Variants in OSBPL9 observed in about 807,000 individuals in gnomAD.
OSBPL9 encodes oxysterol-binding protein-related protein 9.
Under a neutral mutation model 106.6 loss-of-function variants are expected in OSBPL9, and 40 were observed. The ratio of observed to expected loss-of-function variants is 0.38; its 90% confidence interval spans 0.29 to 0.49. The LOEUF (loss-of-function observed/expected upper bound fraction) is 0.49. OSBPL9 is among the 20% of genes least tolerant of loss of function. OSBPL9 has a pLI of 0.97. For synonymous variants in OSBPL9, 269 were observed against 295.4 expected, an observed-to-expected ratio of 0.91 and a Z score of 0.92; for missense variants, 609 against 887.2, an observed-to-expected ratio of 0.69 and a Z score of 3.98.
chr1:51,725,154 G>A (rs1002959908), intron 4 of OSBPL9, among the ~76,000 whole-genome samples: 9 of 150,128 alleles, frequency 6.0e-5, no homozygotes, highest in African/African-American at 2.2e-4. Context: ...CGGTTTTGTA[G>A]GTGTCTGTTG....
intron 15 of OSBPL9, among the ~76,000 whole-genome samples, chr1:51,777,230 A>G (rs1409289379): frequency 4.6e-5 from 7 of 152,230 alleles, no homozygotes; most frequent in Non-Finnish European, 1.0e-4. Flanking sequence ...TTTGTACTAT[A>G]TCCTAATGAA....
intron 1 of OSBPL9, among the ~76,000 whole-genome samples, chr1:51,647,723 GT>G (rs1209214697): frequency 1.3e-5 from 2 of 151,630 alleles, no homozygotes; most frequent in South Asian, 4.2e-4. Flanking sequence ...TGGTAATAAT[GT>G]TTTTTTTCTT....
chr1:51,592,453 C>G (rs1462845461), intron 1 of OSBPL9, among the ~76,000 whole-genome samples: 1 of 152,134 alleles, frequency 6.6e-6, no homozygotes, highest in Non-Finnish European at 1.5e-5. Context: ...CTTGTAATAA[C>G]AATTCTCTTC....
At chr1:51,755,686 A>G (rs1670192292) in intron 8 of OSBPL9, among the ~76,000 whole-genome samples, 1 of 152,238 alleles carries the variant, frequency 6.6e-6, no homozygotes, top group South Asian at 2.1e-4. Flanking sequence ...TAAGTGTTCT[A>G]CAACACGTTT....
chr1:51,563,173 G>A, the OSBPL9 span, among the ~76,000 whole-genome samples: 2 of 152,150 alleles, frequency 1.3e-5, no homozygotes, highest in Non-Finnish European at 2.9e-5. Flanking sequence ...TCACGTCACT[G>A]CACTGCAGCC....
At chr1:51,633,043 A>G (rs149492862) in intron 1 of OSBPL9, among the ~76,000 whole-genome samples, 2,171 of 151,518 alleles carry the variant, frequency 0.014, 55 homozygotes, top group African/African-American at 0.051. Flanking sequence ...TGCAACCTCC[A>G]CCTCCTGGGT....
chr1:51,536,437 AG>A, the OSBPL9 span, among the ~76,000 whole-genome samples: 3 of 152,020 alleles, frequency 2.0e-5, no homozygotes, highest in African/African-American at 7.2e-5. Context: ...CTTCCAGACT[AG>A]CTAGCTAGTA....
chr1:51,598,147 T>G (rs1301990745), exon 2 of OSBPL9: 1 of 152,238 alleles, frequency 6.6e-6, no homozygotes, highest in Non-Finnish European at 1.5e-5. Context: ...GTCTCTAAGA[T>G]GGAGGATATA....
chr1:51,647,443 G>A lies in OSBPL9; in HGVS notation c.112-4548G>A, dbSNP rs140285000. 2.4e-3 allele frequency among the ~76,000 whole-genome samples: 358 copies of A among 152,212 alleles called. 1 individual carries two copies. Among genetic ancestry groups the A allele is most frequent in the African/African-American group, 8.3e-3 (343 of 41,542 alleles). On this transcript the variant is annotated intron_variant, in intron 1 of 23. Coordinates refer to ENST00000428468, the MANE Select transcript of OSBPL9 (RefSeq NM_024586.6). ...CTAGCTTTATAGAAAAAATTGGAAA[G>A]TGTTCGCTCTTCTATATTTTGGAAG...
the OSBPL9 span, among the ~76,000 whole-genome samples, chr1:51,521,822 A>G: frequency 1.3e-5 from 2 of 152,152 alleles, no homozygotes; most frequent in East Asian, 3.8e-4. Flanking sequence ...CAACGGTGCA[A>G]TCTCGGCTCA....
chr1:51,740,352 T>C (rs1356673887), intron 4 of OSBPL9: 2 of 1,102,088 alleles, frequency 1.8e-6, no homozygotes, highest in Non-Finnish European at 2.4e-6. Context: ...ACATTCCTGC[T>C]AAGTTTTCAT....
intron 4 of OSBPL9, among the ~76,000 whole-genome samples, chr1:51,734,050 C>A (rs967265720): frequency 6.6e-6 from 1 of 152,016 alleles, no homozygotes; most frequent in Non-Finnish European, 1.5e-5. Flanking sequence ...TAAAGACATC[C>A]TTTGAAGATG....
intron 1 of OSBPL9, among the ~76,000 whole-genome samples, chr1:51,583,974 C>A (rs1645234634): frequency 6.6e-6 from 1 of 152,086 alleles, no homozygotes; most frequent in Admixed American, 6.6e-5. Context: ...TAGCCCTCCC[C>A]CATACCTGAA....
intron 11 of OSBPL9, among the ~76,000 whole-genome samples, chr1:51,762,943 A>C (rs1364832181): frequency 6.6e-6 from 1 of 152,146 alleles, no homozygotes. Flanking sequence ...CCTTTTTGCC[A>C]GTTTTATAGT....
At chr1:51,522,427 A>G in the OSBPL9 span, among the ~76,000 whole-genome samples, 1 of 152,158 alleles carries the variant, frequency 6.6e-6, no homozygotes, top group South Asian at 2.1e-4. Context: ...GGGAGATGGG[A>G]GCATGTCTAT....
chr1:51,715,444 TTTTG>T (rs1660861386), intron 4 of OSBPL9, among the ~76,000 whole-genome samples: 1 of 152,114 alleles, frequency 6.6e-6, no homozygotes, highest in Non-Finnish European at 1.5e-5. Context: ...TTTGTTTGTT[TTTTG>T]TTTTTTTGAG....
chr1:51,691,843 C>G (rs949534814), intron 3 of OSBPL9, among the ~76,000 whole-genome samples: 2 of 151,902 alleles, frequency 1.3e-5, no homozygotes, highest in African/African-American at 4.8e-5. Flanking sequence ...ATATCACTGT[C>G]TTCTGCCTCC....
chr1:51,579,305 A>G (rs61606743), intron 1 of OSBPL9, among the ~76,000 whole-genome samples: 1 of 152,310 alleles, frequency 6.6e-6, no homozygotes, highest in East Asian at 1.9e-4. Flanking sequence ...TTGTGTGCAT[A>G]TGTAATCTGT....
chr1:51,542,770 G>C, the OSBPL9 span, among the ~76,000 whole-genome samples: 1 of 152,292 alleles, frequency 6.6e-6, no homozygotes, highest in South Asian at 2.1e-4. Context: ...AGTAAATACA[G>C]TGCTGGAATC....
Sources: allele counts gnomAD v4.1 joint callset (sites outside exome capture counted in the v4.1 genomes callset), GRCh38; gene constraint gnomAD v4.1.1; transcripts MANE v1.5; gene names NCBI Gene and HGNC (gene_info 2026-07-23, HGNC 2026-07-21).